The following VWA2 variants were observed in gnomAD, a reference collection of about 807,000 sequenced individuals.
VWA2 encodes von Willebrand factor A domain containing 2.
VWA2 carries 73 observed loss-of-function variants against 70.4 expected under a neutral mutation model. The observed-to-expected ratio is 1.04, with a 90% CI of 0.86 to 1.26. The LOEUF (loss-of-function observed/expected upper bound fraction) is 1.26, where lower values mean the gene tolerates loss of function less well. VWA2 is among the 50% of genes most tolerant of loss of function. The probability of loss-of-function intolerance (pLI) is 0.00; values close to 1 mark genes in which losing one functional copy is unlikely to be tolerated. For synonymous variants in VWA2, 407 were observed against 423.3 expected (o/e 0.96, Z 0.47); for missense variants, 1,011 against 998.5 (o/e 1.01, Z -0.17).
At chr10:114,267,854 C>T (rs1393783250) in intron 5 of VWA2, among the ~76,000 whole-genome samples, 1 of 152,044 alleles carries the variant, frequency 6.6e-6, no homozygotes, top group Non-Finnish European at 1.5e-5. Context: ...GATTTTCAGG[C>T]CAGGTTACAG....
Position 114,293,360 on chromosome 10 carries a change from C to T in VWA2, c.*2123C>T, listed in dbSNP as rs2039776153. Among the ~76,000 whole-genome samples the T allele has an allele frequency of 6.6e-6, 1 of 152,146 alleles. No individual in the cohort carries two copies. Among genetic ancestry groups the T allele is most frequent in the South Asian group, 2.1e-4 (1 of 4,828 alleles). ...TATAATGTAGGCTTTTTGTCTTGTT[C>T]CGGGCTGGTATTTGGGTGCCCTGAT... On this transcript the variant is annotated 3_prime_UTR_variant, in exon 14 of 14. Coordinates refer to ENST00000392982, the MANE Select transcript of VWA2 (RefSeq NM_001272046.2).
intron 4 of VWA2, among the ~76,000 whole-genome samples, chr10:114,259,906 T>G (rs2037407835): frequency 1.3e-5 from 2 of 152,178 alleles, no homozygotes; most frequent in Non-Finnish European, 2.9e-5. Context: ...CAGAGCATCC[T>G]GCCTGCAAAA....
chr10:114,274,476 GTTGT>G (rs1397878698), intron 6 of VWA2, among the ~76,000 whole-genome samples: 1 of 152,086 alleles, frequency 6.6e-6, no homozygotes, highest in Admixed American at 6.6e-5. Context: ...GGATATGTTT[GTTGT>G]TTGTTGTTGT....
Position 114,286,457 on chromosome 10 carries a change from C to G in VWA2, c.1516C>G (p.Leu506Val), listed in dbSNP as rs1253392779. The change falls in exon 11 of 14, where the codon CTG becomes GTG. Residue 506 changes from leucine (L) to valine (V), a missense_variant. Transcript: ENST00000392982. Reference protein sequence around the residue: ...HVMVYSDPQDLFNQIPELQGK... With the variant: ...HVMVYSDPQDVFNQIPELQGK... ...GATGGTCTACTCGGATCCTCAGGAT[C>G]TGTTCAACCAAATCCCTGAGCTGCA... is the stretch of plus-strand genomic sequence containing the variant. 6.2e-7 allele frequency: 1 copy of G among 1,608,778 alleles called. No individual in the cohort carries two copies. Among genetic ancestry groups the G allele is most frequent in the South Asian group, 1.1e-5 (1 of 90,594 alleles).
At chr10:114,285,903 A>T (rs752336279) in intron 10 of VWA2, 36 bp from the exon 11 acceptor site, 1 of 1,545,842 alleles carries the variant, frequency 6.5e-7, no homozygotes, top group Non-Finnish European at 8.8e-7. Flanking sequence ...CCGCATGACC[A>T]TGGCTTGACA....
rs567118724 is a variant in VWA2 at position 114,285,884 on chromosome 10, G to A, written c.998-55G>A. 8.6e-6 allele frequency: 13 copies of A among 1,503,710 alleles called. No homozygotes were observed. The East Asian group carries it at 2.8e-4, about 32-fold the overall frequency. The allele number at this position is 1,503,710 out of a possible 1,614,324, so 93.1% of individuals were successfully genotyped here. A position where few individuals can be genotyped will look rare whatever the true frequency, so the allele number is the denominator to read the frequency against. The stretch of plus-strand genomic sequence containing the variant: ...GATGTTCGGCATCTCGGGTGGGACA[G>A]CTCGCATGCCGCATGACCATGGCTT... On this transcript the variant is annotated intron_variant, in intron 10 of 13. Transcript: ENST00000392982.
intron 2 of VWA2, among the ~76,000 whole-genome samples, chr10:114,251,263 C>T (rs1291575165): frequency 1.3e-5 from 2 of 152,246 alleles, no homozygotes; most frequent in Non-Finnish European, 2.9e-5. Context: ...ACACATGAAG[C>T]AGCTGCCTGT....
At chr10:114,245,259 C>G (rs994012600) in intron 1 of VWA2, among the ~76,000 whole-genome samples, 1 of 152,174 alleles carries the variant, frequency 6.6e-6, no homozygotes, top group East Asian at 1.9e-4. Flanking sequence ...CATAGTGGAT[C>G]GAGATCAAGC....
intron 12 of VWA2, 181 bp from the exon 13 acceptor site, chr10:114,290,059 G>A (rs1309792486): frequency 1.5e-6 from 1 of 655,984 alleles, no homozygotes; most frequent in South Asian, 2.0e-5. Context: ...CCATGAGTCT[G>A]TAGGAGAGCT....
intron 11 of VWA2, among the ~76,000 whole-genome samples, chr10:114,288,012 A>G (rs2039119047): frequency 6.6e-6 from 1 of 152,146 alleles, no homozygotes; most frequent in Admixed American, 6.5e-5. Flanking sequence ...AAAACCAGTA[A>G]TCAGAGCATC....
intron 5 of VWA2, among the ~76,000 whole-genome samples, chr10:114,271,643 A>ACACAC: frequency 6.6e-6 from 1 of 151,536 alleles, no homozygotes; most frequent in African/African-American, 2.4e-5. Flanking sequence ...ACACACACAC[A>ACACAC]GCAGGTAATG....
intron 5 of VWA2, among the ~76,000 whole-genome samples, chr10:114,262,330 TATGA>T (rs1245417997): frequency 7.3e-5 from 11 of 150,032 alleles, no homozygotes; most frequent in East Asian, 5.8e-4. Context: ...ATATAATATA[TATGA>T]ATGTGATATG....
intron 6 of VWA2, among the ~76,000 whole-genome samples, chr10:114,276,220 C>A (rs985621265): frequency 1.3e-5 from 2 of 152,180 alleles, no homozygotes; most frequent in African/African-American, 4.8e-5. Context: ...ACCACCTGAC[C>A]CACCCCTCCC....
chr10:114,277,168 CTTTTTTTTTTTTTTTT>C (rs780326649), intron 6 of VWA2, among the ~76,000 whole-genome samples: 1 of 61,234 alleles, frequency 1.6e-5, no homozygotes, highest in African/African-American at 6.9e-5. Flanking sequence ...GACTGCACGT[CTTTTTTTTTTTTTTTT>C]TTTTTTTTTT....
At position 114,287,262 on chromosome 10, in the gene VWA2, C is replaced by T. The variant is rs531788827; in HGVS notation, c.1570+751C>T. ...GTGGCACGATCATAGCTCACTGCAGCCTTGAACTCCTGGGCTCACGTGATC... is the reference window on the plus strand; with the variant it reads ...GTGGCACGATCATAGCTCACTGCAGTCTTGAACTCCTGGGCTCACGTGATC... On this transcript the variant is annotated intron_variant, in intron 11 of 13. Coordinates refer to ENST00000392982, the MANE Select transcript of VWA2 (RefSeq NM_001272046.2). 1.7e-4 allele frequency among the ~76,000 whole-genome samples: 26 copies of T among 152,254 alleles called. No homozygotes were observed. The East Asian group carries it at 4.1e-3, about 24-fold the overall frequency.
chr10:114,291,335 C>T lies in VWA2; in HGVS notation c.*98C>T. 7.2e-7 allele frequency: 1 copy of T among 1,389,478 alleles called. No homozygotes were observed. The highest frequency in any genetic ancestry group is 9.6e-7 in the Non-Finnish European group (1 of 1,037,690). The allele number at this position is 1,389,478 out of a possible 1,614,324, so 86.1% of individuals were successfully genotyped here. On this transcript the variant is annotated 3_prime_UTR_variant, in exon 14 of 14. Transcript: ENST00000392982. ...AAATGGTGCCTACCTTCTGGAATGT[C>T]TGTGCCCCAGGTCCTTAGAATGTCT...
At chr10:114,252,388 C>T (rs2037215170) in intron 2 of VWA2, among the ~76,000 whole-genome samples, 1 of 151,934 alleles carries the variant, frequency 6.6e-6, no homozygotes, top group South Asian at 2.1e-4. Flanking sequence ...GCTGTCTGCT[C>T]AAAGATATGG....
rs139461527 is a variant in VWA2, at chr10:114,278,748, C to T, written c.730C>T (p.His244Tyr). ...DCRVEAHPCE[H>Y]RTLEMVREFA... ...CAGGGTCGAGGCTCACCCCTGTGAG[C>T]ACAGGACGCTGGAGATGGTCCGGGA... Residue 244 changes from histidine to tyrosine, a missense_variant, in exon 8 of 14, where the codon CAC (histidine) becomes TAC (tyrosine). Physicochemically the swap from His to Tyr is moderately conservative, Grantham distance 83. Coordinates refer to ENST00000392982, the MANE Select transcript of VWA2 (RefSeq NM_001272046.2). 5.6e-6 allele frequency: 9 copies of T among 1,613,858 alleles called. No individual in the cohort carries two copies. The highest frequency in any genetic ancestry group is 5.3e-5 in the African/African-American group (4 of 74,930).
In VWA2 at chr10:114,277,952, GGCAGCACGTGCTGTTGGCTGA is replaced by G; in HGVS notation, c.610_630del (p.His204_Gln210del). The G allele has an allele frequency of 6.2e-7, 1 of 1,612,340 alleles. No homozygotes were observed. On this transcript the variant is annotated inframe_deletion, in exon 7 of 14. Transcript: ENST00000392982. ...CATGCACTGGCCAGCGAGCCTAGAGGGCAGCACGTGCTGTTGGCTGAGCAGGTGGAGGATGCCACCAACGGC... is the reference window on the plus strand; with the variant it reads ...CATGCACTGGCCAGCGAGCCTAGAGGGCAGGTGGAGGATGCCACCAACGGC...
Sources: allele counts gnomAD v4.1 joint callset (sites outside exome capture counted in the v4.1 genomes callset), GRCh38; gene constraint gnomAD v4.1.1; transcripts MANE v1.5; gene names NCBI Gene and HGNC (gene_info 2026-07-23, HGNC 2026-07-21).